Variants in PRH1 observed in about 807,000 individuals in gnomAD.
PRH1 encodes the protein salivary acidic proline-rich phosphoprotein 1/2.
In PRH1, 7 loss-of-function variants were observed where a neutral mutation model predicts 7.9. The observed-to-expected ratio is 0.89, with a 90% CI of 0.50 to 1.67. The LOEUF (loss-of-function observed/expected upper bound fraction) is 1.67. Among genes scored for constraint, PRH1 ranks in the 40% most tolerant of loss-of-function variants. PRH1 has a pLI of 0.00. For missense variants in PRH1, 109 were observed against 223.6 expected, an observed-to-expected ratio of 0.49 and a Z score of 3.27; for synonymous variants, 45 against 80.8, an observed-to-expected ratio of 0.56 and a Z score of 2.38.
chr12:11,143,324 C>A (rs1946761520), intron 1 of PRH1, among the ~76,000 whole-genome samples: 1 of 151,920 alleles, frequency 6.6e-6, no homozygotes, highest in Non-Finnish European at 1.5e-5. Context: ...ATTTGCAAGC[C>A]TCATAGTAAT....
chr12:10,977,189 C>T (rs1201842364), intron 1 of PRH1, among the ~76,000 whole-genome samples: 2 of 152,128 alleles, frequency 1.3e-5, no homozygotes, highest in Non-Finnish European at 2.9e-5. Context: ...AAACTGAATC[C>T]AGCAGCACAT....
chr12:11,029,430 G>T (rs1471898505), intron 1 of PRH1, among the ~76,000 whole-genome samples: 1 of 137,116 alleles, frequency 7.3e-6, no homozygotes, highest in Non-Finnish European at 1.6e-5. Flanking sequence ...TATTTACATT[G>T]ATTTTATTTT....
chr12:11,142,382 C>T (rs1946725447), intron 1 of PRH1, among the ~76,000 whole-genome samples: 1 of 152,052 alleles, frequency 6.6e-6, no homozygotes, highest in South Asian at 2.1e-4. Flanking sequence ...GTGACAAGAT[C>T]ACAAAAAGAA....
Position 11,148,221 on chromosome 12 carries a change from T to C in PRH1, n.39+23201A>G, listed in dbSNP as rs1410213455. Among the ~76,000 whole-genome samples the C allele has an allele frequency of 6.7e-5, 10 of 149,982 alleles. No individual in the cohort carries two copies. The East Asian group carries it at 1.8e-3, about 26-fold the overall frequency. On this transcript the variant is annotated intron_variant and non_coding_transcript_variant, in intron 1 of 1. Transcript: ENST00000541175. ...ATGGGATTTTCTAGATATACAATCA[T>C]GTCGTCTGCAAACAGGGACAATTTG...
At chr12:10,884,081 C>T in intron 1 of PRH1, 73 bp downstream of exon 1, 1 of 1,580,684 alleles carries the variant, frequency 6.3e-7, no homozygotes, top group Non-Finnish European at 8.7e-7. Flanking sequence ...CTCTTCCCTC[C>T]ACTTTCCTCC....
chr12:10,986,916 C>G, intron 1 of PRH1: 1 of 1,249,170 alleles, frequency 8.0e-7, no homozygotes, highest in Non-Finnish European at 1.1e-6. Context: ...GTTGTGATTT[C>G]TTTAATACTC....
At chr12:11,104,307 C>G (rs976055020) in intron 1 of PRH1, among the ~76,000 whole-genome samples, 13 of 150,444 alleles carry the variant, frequency 8.6e-5, no homozygotes, top group African/African-American at 3.2e-4. Flanking sequence ...GATGATCACT[C>G]ATATGATGAT....
intron 2 of PRH1, chr12:10,939,178 T>C: frequency 6.3e-7 from 1 of 1,593,020 alleles, no homozygotes; most frequent in Non-Finnish European, 8.5e-7. Flanking sequence ...TTAAAACGAA[T>C]GTAAATATGC....
rs1488046634 is a variant in PRH1, at chr12:11,082,812, T to C, written n.124-35624A>G. 2.6e-5 allele frequency among the ~76,000 whole-genome samples: 3 copies of C among 116,726 alleles called. 1 individual carries two copies. The highest frequency in any genetic ancestry group is 8.6e-5 in the African/African-American group (3 of 34,848). 76.6% of individuals were successfully genotyped at this position (116,726 alleles called of 152,430 possible). ...ATTTTGTTCCACTTCCATATGAACTTACACAAATACTCTGTGCAATTATGA... is the reference window on the plus strand; with the variant it reads ...ATTTTGTTCCACTTCCATATGAACTCACACAAATACTCTGTGCAATTATGA... On this transcript the variant is annotated intron_variant and non_coding_transcript_variant, in intron 1 of 4. Coordinates refer to the PRH1 transcript ENST00000541977.
At chr12:10,986,251 TAC>T (rs1315583624) in intron 1 of PRH1, 1 of 1,614,016 alleles carries the variant, frequency 6.2e-7, no homozygotes, top group African/African-American at 1.3e-5. Context: ...TTGAGATGTT[TAC>T]ACAGAGAACA....
intron 1 of PRH1, among the ~76,000 whole-genome samples, chr12:11,106,888 A>C (rs930684659): frequency 6.6e-6 from 1 of 152,228 alleles, no homozygotes; most frequent in Non-Finnish European, 1.5e-5. Context: ...GAGTTAGTAT[A>C]CTAGTTGTAT....
upstream of PRH1, chr12:11,048,385 A>C (rs1447397613): frequency 1.3e-5 from 4 of 300,606 alleles, no homozygotes; most frequent in Non-Finnish European, 2.7e-5. Flanking sequence ...CAAAGCTGAA[A>C]GAAAGGTCTG....
rs116932267 is a variant in PRH1, at chr12:10,940,344, G to A, written c.-59+33311C>T. On this transcript the variant is annotated intron_variant, in intron 2 of 3. Transcript: ENST00000539853. Reference sequence around the variant, plus strand: ...GCATCTAGTTCATGTTTAGTACTGTGATAGTTTTAAACACATTTAAAAAGA... The same window carrying A: ...GCATCTAGTTCATGTTTAGTACTGTAATAGTTTTAAACACATTTAAAAAGA... Among the ~76,000 whole-genome samples, 530 of 152,220 alleles carry A rather than the reference G, an allele frequency of 3.5e-3. 2 individuals are homozygous for A. Among genetic ancestry groups the A allele is most frequent in the Non-Finnish European group, 5.7e-3 (389 of 68,002 alleles).
chr12:11,114,482 G>A (rs950315617), intron 1 of PRH1, among the ~76,000 whole-genome samples: 2 of 152,070 alleles, frequency 1.3e-5, no homozygotes, highest in African/African-American at 4.8e-5. Flanking sequence ...GGAGGACACA[G>A]GGAACGTCAC....
At chr12:10,998,117 C>A (rs1177399836) in intron 1 of PRH1, among the ~76,000 whole-genome samples, 1 of 152,118 alleles carries the variant, frequency 6.6e-6, no homozygotes, top group Non-Finnish European at 1.5e-5. Flanking sequence ...AATTCTTATT[C>A]ATAAAGTCTC....
chr12:11,004,896 T>G (rs1454446503), intron 1 of PRH1, among the ~76,000 whole-genome samples: 1 of 152,082 alleles, frequency 6.6e-6, no homozygotes, highest in Non-Finnish European at 1.5e-5. Flanking sequence ...GTCTATAAGT[T>G]TAATAATAGC....
intron 1 of PRH1, among the ~76,000 whole-genome samples, chr12:11,033,381 C>T (rs1229288719): frequency 2.0e-5 from 3 of 150,812 alleles, no homozygotes; most frequent in Non-Finnish European, 4.4e-5. Context: ...CAAAACAAAA[C>T]AAAACAAAAC....
intron 1 of PRH1, among the ~76,000 whole-genome samples, chr12:10,991,631 C>G (rs1397740743): frequency 6.6e-6 from 1 of 152,076 alleles, no homozygotes; most frequent in African/African-American, 2.4e-5. Flanking sequence ...CCTTATTCCT[C>G]TCTATTGAAC....
At chr12:10,907,823 T>G (rs1038636547) in intron 2 of PRH1, 1 of 151,054 alleles carries the variant, frequency 6.6e-6, no homozygotes, top group Non-Finnish European at 1.5e-5. Context: ...TACACATACA[T>G]ACAATATAAT....
Sources: allele counts gnomAD v4.1 joint callset (sites outside exome capture counted in the v4.1 genomes callset), GRCh38; gene constraint gnomAD v4.1.1; transcripts MANE v1.5; gene names NCBI Gene and HGNC (gene_info 2026-07-23, HGNC 2026-07-21).